The following EYS variants were observed in gnomAD, a reference collection of about 807,000 sequenced individuals.
EYS encodes the protein protein eyes shut homolog.
Under a neutral mutation model 282.1 loss-of-function variants are expected in EYS, and 250 were observed. The observed-to-expected ratio is 0.89, with a 90% CI of 0.80 to 0.98. The LOEUF (loss-of-function observed/expected upper bound fraction) is 0.98, where lower values mean the gene tolerates loss of function less well. Among genes scored for constraint, EYS ranks in the 50% least tolerant of loss-of-function variants. The pLI is 0.00. For synonymous variants in EYS, 1,355 were observed against 1,282.9 expected, an observed-to-expected ratio of 1.06 and a Z score of -1.20; for missense variants, 4,016 against 3,709.0, an observed-to-expected ratio of 1.08 and a Z score of -2.15.
chr6:64,052,859 G>A (rs1770858464), intron 33 of EYS, among the ~76,000 whole-genome samples: 2 of 152,152 alleles, frequency 1.3e-5, no homozygotes, highest in Non-Finnish European at 2.9e-5. Context: ...CTTCTGCCAT[G>A]ACTGTAAGTT....
intron 28 of EYS, among the ~76,000 whole-genome samples, chr6:64,421,859 G>GCAT (rs58189202): frequency 3.2e-5 from 4 of 123,608 alleles, no homozygotes; most frequent in Non-Finnish European, 3.5e-5. Context: ...TTTGTTTGGG[G>GCAT]GGTGTGTGTG....
intron 12 of EYS, among the ~76,000 whole-genome samples, chr6:65,202,689 G>A (rs1765932054): frequency 6.6e-6 from 1 of 152,196 alleles, no homozygotes; most frequent in South Asian, 2.1e-4. Flanking sequence ...TTGCCTGACA[G>A]CTGTGGTTTC....
intron 1 of EYS, among the ~76,000 whole-genome samples, chr6:65,694,508 CCTT>C (rs1270880325): frequency 6.7e-6 from 1 of 149,202 alleles, no homozygotes; most frequent in African/African-American, 2.4e-5. Flanking sequence ...CTAAATTACT[CCTT>C]CTTGATTATA....
rs552682751 is a variant in EYS, at chr6:64,275,559, TGC to T, written c.6191+31409_6191+31410del. Among the ~76,000 whole-genome samples the T allele has an allele frequency of 1.8e-3, 279 of 151,396 alleles. 2 individuals are homozygous for T. In the South Asian group the frequency reaches 0.021, roughly 11 times the overall value. ...AGCTTCCCAAGTAGTTGGGACTATG[TGC>T]GCCTGCCACCACGCCCGGCTAATTT... On this transcript the variant is annotated intron_variant, in intron 30 of 42. Coordinates refer to ENST00000503581, the MANE Select transcript of EYS (RefSeq NM_001142800.2).
intron 31 of EYS, among the ~76,000 whole-genome samples, chr6:64,198,259 G>A (rs1231944010): frequency 6.6e-6 from 1 of 150,988 alleles, no homozygotes; most frequent in Non-Finnish European, 1.5e-5. Flanking sequence ...CTCCTGCCTC[G>A]GCCTCCCAAA....
intron 22 of EYS, among the ~76,000 whole-genome samples, chr6:64,763,537 A>T (rs148029165): frequency 2.6e-5 from 4 of 152,206 alleles, no homozygotes; most frequent in African/African-American, 9.6e-5. Flanking sequence ...AAAAATCCCA[A>T]CTGGAGTTGA....
At chr6:64,960,686 A>C (rs1769881916) in intron 14 of EYS, among the ~76,000 whole-genome samples, 1 of 151,984 alleles carries the variant, frequency 6.6e-6, no homozygotes, top group Non-Finnish European at 1.5e-5. Flanking sequence ...GTATATGTGC[A>C]GGTTTGTTCC....
chr6:64,323,922 C>T (rs1770310714), intron 29 of EYS, among the ~76,000 whole-genome samples: 1 of 152,140 alleles, frequency 6.6e-6, no homozygotes, highest in East Asian at 1.9e-4. Flanking sequence ...TTTGAACATT[C>T]TTTGGGAAGT....
chr6:65,020,109 G>A (rs1214705348), intron 13 of EYS, among the ~76,000 whole-genome samples: 1 of 152,044 alleles, frequency 6.6e-6, no homozygotes, highest in African/African-American at 2.4e-5. Flanking sequence ...GCCAAACCAT[G>A]TCATTCTACC....
chr6:65,572,415 GA>G (rs1554212072), intron 2 of EYS, among the ~76,000 whole-genome samples: 1 of 151,986 alleles, frequency 6.6e-6, no homozygotes, highest in Non-Finnish European at 1.5e-5. Flanking sequence ...TTAAGTCTCA[GA>G]AAATACAAAT....
intron 2 of EYS, among the ~76,000 whole-genome samples, chr6:65,599,658 AT>A (rs1223893502): frequency 1.3e-5 from 2 of 152,122 alleles, no homozygotes; most frequent in African/African-American, 2.4e-5. Flanking sequence ...GCATTAAAAA[AT>A]ATGAAATGTT....
At chr6:65,343,360 T>C (rs961045788) in intron 10 of EYS, among the ~76,000 whole-genome samples, 9 of 151,342 alleles carry the variant, frequency 5.9e-5, no homozygotes, top group Non-Finnish European at 1.0e-4. Context: ...ACAAGATAGG[T>C]TACAAATACT....
At chr6:64,554,042 C>T (rs186269494) in intron 26 of EYS, among the ~76,000 whole-genome samples, 1 of 152,112 alleles carries the variant, frequency 6.6e-6, no homozygotes, top group East Asian at 1.9e-4. Context: ...GAAATGGCAT[C>T]CAAAGGGAAT....
At chr6:64,666,222 G>A (rs902896456) in intron 22 of EYS, among the ~76,000 whole-genome samples, 17 of 152,144 alleles carry the variant, frequency 1.1e-4, no homozygotes, top group African/African-American at 4.1e-4. Flanking sequence ...AAACGTTCAA[G>A]TGTACCCCCA....
At chr6:64,239,839 T>C (rs1428854993) in intron 30 of EYS, among the ~76,000 whole-genome samples, 2 of 152,358 alleles carry the variant, frequency 1.3e-5, no homozygotes, top group East Asian at 1.9e-4. Flanking sequence ...CATGGCTATG[T>C]CCTGAATGGT....
At chr6:65,122,741 A>T (rs928188455) in intron 12 of EYS, among the ~76,000 whole-genome samples, 15 of 152,248 alleles carry the variant, frequency 9.9e-5, no homozygotes, top group Middle Eastern at 3.4e-3. Context: ...TCACAAACTA[A>T]AACTATTTTC....
At chr6:64,994,125 C>A (rs960606862) in intron 14 of EYS, among the ~76,000 whole-genome samples, 1 of 151,816 alleles carries the variant, frequency 6.6e-6, no homozygotes, top group East Asian at 1.9e-4. Context: ...ATATACATAA[C>A]AAAGTTACAC....
chr6:63,726,792 C>T (rs776605808), intron 41 of EYS, 112 bp from the exon 42 acceptor site: 3 of 987,070 alleles, frequency 3.0e-6, no homozygotes, highest in Admixed American at 2.6e-5. Context: ...ATTTATCGCC[C>T]AAGAGTTGCT....
At chr6:64,930,993 G>C (rs1768705067) in intron 15 of EYS, among the ~76,000 whole-genome samples, 1 of 152,166 alleles carries the variant, frequency 6.6e-6, no homozygotes, top group Non-Finnish European at 1.5e-5. Context: ...AGGAATAGCA[G>C]AAGGCAGGTT....
Sources: allele counts gnomAD v4.1 joint callset (sites outside exome capture counted in the v4.1 genomes callset), GRCh38; gene constraint gnomAD v4.1.1; transcripts MANE v1.5; gene names NCBI Gene and HGNC (gene_info 2026-07-23, HGNC 2026-07-21).